Variants in MEAK7 observed in about 807,000 individuals in gnomAD.
MEAK7 encodes the protein MTOR-associated protein MEAK7.
In MEAK7, 68 loss-of-function variants were observed where a neutral mutation model predicts 40.5. That is an observed-to-expected ratio of 1.68 (90% CI 1.38 to 2.06). The LOEUF is 2.06. Ranked by LOEUF, MEAK7 falls within the 30% of genes most tolerant of loss-of-function variation. MEAK7 has a pLI of 0.00. For missense variants in MEAK7, 918 were observed against 580.5 expected (o/e 1.58, Z -5.98); for synonymous variants, 338 against 231.9 (o/e 1.46, Z -4.16).
rs1423632041 is a variant in MEAK7 at position 84,478,513 on chromosome 16, A to G, written c.*1400T>C. On this transcript the variant is annotated 3_prime_UTR_variant, in exon 8 of 8. Transcript: ENST00000343629. ...GAGGTTGTATTTTCATCAGATCTGCAAAAGGTCAAAGCTTACAGCAAAAGA... is the reference window on the plus strand; with the variant it reads ...GAGGTTGTATTTTCATCAGATCTGCGAAAGGTCAAAGCTTACAGCAAAAGA... 6.6e-6 allele frequency: 1 copy of G among 152,252 alleles called. No homozygotes were observed. Among genetic ancestry groups the G allele is most frequent in the South Asian group, 2.1e-4 (1 of 4,836 alleles). The allele number at this position is 152,252 out of a possible 1,614,324, so 9.4% of individuals were successfully genotyped here. A position where few individuals can be genotyped will look rare whatever the true frequency, so the allele number is the denominator to read the frequency against.
chr16:84,494,619 T>G, intron 3 of MEAK7: 1 of 336,788 alleles, frequency 3.0e-6, no homozygotes, highest in Non-Finnish European at 5.8e-6. Flanking sequence ...CTATATGAGT[T>G]TTCCAGTGTT....
intron 5 of MEAK7, among the ~76,000 whole-genome samples, chr16:84,484,971 A>G (rs1297270491): frequency 6.6e-6 from 1 of 152,248 alleles, no homozygotes; most frequent in Non-Finnish European, 1.5e-5. Flanking sequence ...TGAAATTAAC[A>G]TTAAAGGCTC....
In MEAK7 at chr16:84,497,284, C is replaced by G. The variant is rs540185456; in HGVS notation, c.153+650G>C. 5.3e-4 allele frequency: 322 copies of G among 610,474 alleles called. 2 individuals are homozygous for G. Among genetic ancestry groups the G allele is most frequent in the Middle Eastern group, 2.6e-3 (4 of 1,528 alleles). 37.8% of individuals were successfully genotyped at this position (610,474 alleles called of 1,614,324 possible). A position where few individuals can be genotyped will look rare whatever the true frequency, so the allele number is the denominator to read the frequency against. On this transcript the variant is annotated intron_variant, in intron 2 of 7. Transcript: ENST00000343629. ...GCCTCAGTCCGAGCACTCAAACCTG[C>G]AGCTGAGAGCCCCATGGAACGGGGA...
chr16:84,493,120 C>G (rs1913763289), intron 3 of MEAK7, among the ~76,000 whole-genome samples: 1 of 152,146 alleles, frequency 6.6e-6, no homozygotes, highest in African/African-American at 2.4e-5. Flanking sequence ...TTCCAAAATT[C>G]TATGAGATTC....
chr16:84,479,271 C>T lies in MEAK7; in HGVS notation c.*642G>A, dbSNP rs1912288456. ...GATTTTCATCCAGATGCCTCTGTCC[C>T]TCACCCGTCAGAACAGACCATCAGG... On this transcript the variant is annotated 3_prime_UTR_variant, in exon 8 of 8. Coordinates refer to ENST00000343629, the MANE Select transcript of MEAK7 (RefSeq NM_020947.4). 6.6e-6 allele frequency: 1 copy of T among 152,268 alleles called. No homozygotes were observed. Among genetic ancestry groups the T allele is most frequent in the African/African-American group, 2.4e-5 (1 of 41,436 alleles). The allele number at this position is 152,268 out of a possible 1,614,324, so 9.4% of individuals were successfully genotyped here. A position where few individuals can be genotyped will look rare whatever the true frequency, so the allele number is the denominator to read the frequency against.
At chr16:84,502,121 G>C (rs1192419482) in intron 1 of MEAK7, among the ~76,000 whole-genome samples, 1 of 151,662 alleles carries the variant, frequency 6.6e-6, no homozygotes, top group African/African-American at 2.4e-5. Flanking sequence ...TCCAGCCTGG[G>C]CAACAAGAGT....
In MEAK7 at chr16:84,486,979, G is replaced by A; in HGVS notation, c.610C>T (p.Pro204Ser). Residue 204 changes from proline to serine, a missense_variant, in exon 5 of 8, where the codon CCC (proline) becomes TCC (serine). Transcript: ENST00000343629. ...ACACTCAGGAATATGGCCACATGGG[G>A]GACCCTGAACACCCAGTCCTCGATC... is the stretch of plus-strand genomic sequence containing the variant. ...AVIEDWVFRV[P>S]HVAIFLSVVI... is the part of the protein sequence containing the mutation. The A allele has an allele frequency of 6.2e-7, 1 of 1,614,146 alleles. No individual in the cohort carries two copies. Among genetic ancestry groups the A allele is most frequent in the Middle Eastern group, 1.6e-4 (1 of 6,062 alleles).
In MEAK7 at chr16:84,479,759, G is replaced by A; in HGVS notation, c.*154C>T. The stretch of plus-strand genomic sequence containing the variant: ...ACCCATGAGTCAGGACATGGCTTCA[G>A]AGGGCGTCTTCTTGGCACATGTGGG... On this transcript the variant is annotated 3_prime_UTR_variant, in exon 8 of 8. Coordinates refer to ENST00000343629, the MANE Select transcript of MEAK7 (RefSeq NM_020947.4). 1 of 459,820 alleles carries A rather than the reference G, an allele frequency of 2.2e-6. No homozygotes were observed. The highest frequency in any genetic ancestry group is 6.9e-5 in the South Asian group (1 of 14,392). The allele number at this position is 459,820 out of a possible 1,614,324, so 28.5% of individuals were successfully genotyped here.
chr16:84,484,045 C>T (rs931098355), intron 5 of MEAK7, among the ~76,000 whole-genome samples: 16 of 152,186 alleles, frequency 1.1e-4, no homozygotes, highest in Admixed American at 3.3e-4. Flanking sequence ...GCACTGCCCC[C>T]GCCCCGCTCT....
At chr16:84,494,211 A>G (rs756636170) in intron 3 of MEAK7, among the ~76,000 whole-genome samples, 12 of 152,160 alleles carry the variant, frequency 7.9e-5, no homozygotes, top group Non-Finnish European at 1.6e-4. Context: ...ACTACAACTT[A>G]TTTTACAAAT....
chr16:84,489,375 T>A lies in MEAK7; in HGVS notation c.432A>T (p.Arg144Ser). ...VGSVVHVLSHRQELRGWTGKE... is the reference protein window; with the variant it reads ...VGSVVHVLSHSQELRGWTGKE... ...TCCCAGTCCAGCCTCTCAGCTCCTG[T>A]CTGTGGCTTAGCACGTGCACCACAG... Residue 144 changes from arginine (R) to serine (S), a missense_variant, in exon 4 of 8, where the codon AGA becomes AGT. Transcript: ENST00000343629. 1 of 1,614,138 alleles carries A rather than the reference T, an allele frequency of 6.2e-7. No individual in the cohort carries two copies. The highest frequency in any genetic ancestry group is 8.5e-7 in the Non-Finnish European group (1 of 1,180,004).
At chr16:84,497,629 A>G in intron 2 of MEAK7, 2 of 1,372,744 alleles carry the variant, frequency 1.5e-6, no homozygotes, top group African/African-American at 1.4e-5. Context: ...ATCATTCATT[A>G]TCTACTCCAG....
chr16:84,498,687 T>A (rs977613455), intron 1 of MEAK7, among the ~76,000 whole-genome samples: 8 of 152,042 alleles, frequency 5.3e-5, no homozygotes, highest in Admixed American at 3.3e-4. Flanking sequence ...AAAGTCTGGG[T>A]TTGAGAACAT....
At chr16:84,492,347 T>G (rs1913689699) in intron 3 of MEAK7, among the ~76,000 whole-genome samples, 1 of 152,124 alleles carries the variant, frequency 6.6e-6, no homozygotes, top group East Asian at 1.9e-4. Context: ...CATCTTATGG[T>G]CAAGATGATT....
chr16:84,489,360 G>A lies in MEAK7; in HGVS notation c.447C>T (p.Gly149=). 6.2e-7 allele frequency: 1 copy of A among 1,614,178 alleles called. No individual in the cohort carries two copies. Among genetic ancestry groups the A allele is most frequent in the East Asian group, 2.2e-5 (1 of 44,882 alleles). The change falls in exon 4 of 8, where the codon GGC becomes GGT. Residue 149 remains glycine (G), a synonymous_variant. Coordinates refer to ENST00000343629, the MANE Select transcript of MEAK7 (RefSeq NM_020947.4). ...GCCCTGGGGCTTCCTTCCCAGTCCA[G>A]CCTCTCAGCTCCTGTCTGTGGCTTA... ...HVLSHRQELR[G]WTGKEAPGPN... is the part of the protein sequence containing the mutation.
chr16:84,490,280 GAA>G (rs57264146), intron 3 of MEAK7, among the ~76,000 whole-genome samples: 6 of 141,124 alleles, frequency 4.3e-5, no homozygotes, highest in African/African-American at 7.9e-5. Context: ...ATAGCTGGGG[GAA>G]AAAAAAAAAA....
At chr16:84,486,463 G>A (rs1597934853) in intron 5 of MEAK7, 168 bp downstream of exon 5, 1 of 1,419,702 alleles carries the variant, frequency 7.0e-7, no homozygotes, top group South Asian at 1.6e-5. Context: ...ACTCTGATGT[G>A]ATAAACACCA....
intron 1 of MEAK7, among the ~76,000 whole-genome samples, chr16:84,498,860 G>A (rs575612525): frequency 6.6e-6 from 1 of 152,302 alleles, no homozygotes; most frequent in South Asian, 2.1e-4. Context: ...CACACTAGTT[G>A]GGAAGTTTTT....
intron 5 of MEAK7, among the ~76,000 whole-genome samples, chr16:84,485,795 C>T (rs948341638): frequency 7.2e-5 from 11 of 152,182 alleles, no homozygotes; most frequent in African/African-American, 2.2e-4. Context: ...AATTCTCATG[C>T]CTCAGCCTCC....
Sources: allele counts gnomAD v4.1 joint callset (sites outside exome capture counted in the v4.1 genomes callset), GRCh38; gene constraint gnomAD v4.1.1; transcripts MANE v1.5; gene names NCBI Gene and HGNC (gene_info 2026-07-23, HGNC 2026-07-21).